Variants in USP32 observed in about 807,000 individuals in gnomAD.
USP32 encodes ubiquitin carboxyl-terminal hydrolase 32.
USP32 carries 59 observed loss-of-function variants against 204.8 expected under a neutral mutation model. That is an observed-to-expected ratio of 0.29 (90% CI 0.23 to 0.36). The LOEUF is 0.36. Ranked by LOEUF, USP32 falls within the 10% of genes least tolerant of loss-of-function variation. The pLI, the probability that USP32 is intolerant of heterozygous loss-of-function variation, is 1.00. For missense variants in USP32, 1,160 were observed against 1,946.4 expected, an observed-to-expected ratio of 0.60 and a Z score of 7.60; for synonymous variants, 517 against 678.4, an observed-to-expected ratio of 0.76 and a Z score of 3.70.
rs1213866580 is a variant in USP32, at chr17:60,266,046, C to G, written c.857G>C (p.Arg286Thr). 16 of 1,613,954 alleles carry G rather than the reference C, an allele frequency of 9.9e-6. No individual in the cohort carries two copies. Among genetic ancestry groups the G allele is most frequent in the Non-Finnish European group, 1.4e-5 (16 of 1,179,978 alleles). ...FDVDRDGVLS[R>T]VELRDMVVAL... ...AACCACCATGTCTCTCAGTTCAACC[C>G]TGGAGAGAACTCCATCACGGTCAAC... The change falls in exon 8 of 34, where the codon AGG becomes ACG. Residue 286 changes from arginine to threonine, a missense_variant. Physicochemically the swap from Arg to Thr is moderately conservative, Grantham distance 71. Coordinates refer to ENST00000300896, the MANE Select transcript of USP32 (RefSeq NM_032582.4).
intron 5 of USP32, among the ~76,000 whole-genome samples, chr17:60,282,367 T>C (rs1353329698): frequency 2.6e-5 from 4 of 152,224 alleles, no homozygotes; most frequent in Non-Finnish European, 4.4e-5. Context: ...ACTCTTTTTT[T>C]TTATTGAGAC....
At chr17:60,390,131 T>C (rs568889895) in intron 1 of USP32, among the ~76,000 whole-genome samples, 1 of 152,330 alleles carries the variant, frequency 6.6e-6, no homozygotes, top group South Asian at 2.1e-4. Flanking sequence ...TATAAGAAAT[T>C]AAACAAAAAC....
At position 60,294,756 on chromosome 17, in the gene USP32, C is replaced by T. The variant is rs2087384591; in HGVS notation, c.338G>A (p.Arg113Gln). The change falls in exon 4 of 34, where the codon CGG (arginine) becomes CAG (glutamine). Residue 113 changes from arginine to glutamine, a missense_variant. Around this residue, in one of 8 missense-constraint regions of USP32, gnomAD observed 536 missense variants for 680.9 expected, o/e 0.79. Transcript: ENST00000300896. ...GTGGAGCATTCTTTCCATTTCTTCC[C>T]GTATAACATAGTTCCCAGATTCACT... ...FSSESGNYVI[R>Q]EEMERMLHVV... 2 of 1,612,064 alleles carry T rather than the reference C, an allele frequency of 1.2e-6. No individual in the cohort carries two copies. Among genetic ancestry groups the T allele is most frequent in the Non-Finnish European group, 8.5e-7 (1 of 1,178,952 alleles).
intron 2 of USP32, among the ~76,000 whole-genome samples, chr17:60,335,185 G>A (rs1449437909): frequency 7.1e-6 from 1 of 141,492 alleles, no homozygotes; most frequent in Non-Finnish European, 1.5e-5. Flanking sequence ...TGTTGTCAGG[G>A]CTGGTCTTAA....
chr17:60,225,911 G>T, intron 13 of USP32, 128 bp downstream of exon 13: 1 of 981,526 alleles, frequency 1.0e-6, no homozygotes, highest in Non-Finnish European at 1.4e-6. Flanking sequence ...CAGAGATCGC[G>T]CCACTGCGCT....
intron 1 of USP32, among the ~76,000 whole-genome samples, chr17:60,386,879 G>A (rs1200148146): frequency 6.6e-6 from 1 of 152,176 alleles, no homozygotes; most frequent in Non-Finnish European, 1.5e-5. Context: ...GTGAAACAGT[G>A]AGATTAGTGA....
rs191587653 is a variant in USP32 at position 60,417,461 on chromosome 17, T to G, written c.106+4785A>C. On this transcript the variant is annotated intron_variant, in intron 1 of 3. Transcript: ENST00000588898. ...TGCCCAGCTGATTTTTAATTTTTTT[T>G]TTTTTTTTTGTGACAGAGTCTCGCT... 3.9e-3 allele frequency among the ~76,000 whole-genome samples: 588 copies of G among 151,720 alleles called. 3 individuals are homozygous for G. Among genetic ancestry groups the G allele is most frequent in the African/African-American group, 0.012 (495 of 41,450 alleles).
At chr17:60,257,750 C>G (rs1216330345) in intron 9 of USP32, among the ~76,000 whole-genome samples, 2 of 151,886 alleles carry the variant, frequency 1.3e-5, no homozygotes. Flanking sequence ...TCCCAAGGTG[C>G]TGGGGTTACA....
chr17:60,375,217 A>G (rs1166808410), intron 1 of USP32, among the ~76,000 whole-genome samples: 2 of 152,134 alleles, frequency 1.3e-5, no homozygotes, highest in Non-Finnish European at 2.9e-5. Flanking sequence ...CTTACCCTAT[A>G]TATCTATAAC....
intron 16 of USP32, among the ~76,000 whole-genome samples, 193 bp from the exon 17 acceptor site, chr17:60,214,967 G>A (rs184025714): frequency 6.6e-6 from 1 of 152,164 alleles, no homozygotes; most frequent in African/African-American, 2.4e-5. Flanking sequence ...TTGTTTGTTT[G>A]TTTGTTTGTT....
intron 4 of USP32, among the ~76,000 whole-genome samples, chr17:60,292,498 T>G (rs73318854): frequency 0.044 from 6,735 of 152,230 alleles, 535 homozygotes; most frequent in African/African-American, 0.15. Flanking sequence ...GGTAATTCCA[T>G]TCATTTACTG....
At chr17:60,415,398 T>C (rs970547202) in intron 1 of USP32, among the ~76,000 whole-genome samples, 4 of 152,218 alleles carry the variant, frequency 2.6e-5, no homozygotes, top group African/African-American at 9.6e-5. Flanking sequence ...CTGGTGTTTG[T>C]CACAGTGTCT....
chr17:60,335,954 G>T lies in USP32; in HGVS notation c.186+9527C>A, dbSNP rs1053079442. Reference sequence around the variant, plus strand: ...TTTATAATACCTATTAAGGATAGAAGTTTCTCATAAAGACTCACTTGGATA... The same window carrying T: ...TTTATAATACCTATTAAGGATAGAATTTTCTCATAAAGACTCACTTGGATA... On this transcript the variant is annotated intron_variant, in intron 2 of 33. Coordinates refer to ENST00000300896, the MANE Select transcript of USP32 (RefSeq NM_032582.4). 1.4e-5 allele frequency among the ~76,000 whole-genome samples: 2 copies of T among 142,920 alleles called. 1 individual carries two copies. The highest frequency in any genetic ancestry group is 1.4e-4 in the Admixed American group (2 of 14,724). 93.8% of individuals were successfully genotyped at this position (142,920 alleles called of 152,430 possible). A position where few individuals can be genotyped will look rare whatever the true frequency, so the allele number is the denominator to read the frequency against.
intron 1 of USP32, among the ~76,000 whole-genome samples, chr17:60,369,139 C>T (rs1304481492): frequency 7.1e-6 from 1 of 141,460 alleles, no homozygotes; most frequent in Non-Finnish European, 1.5e-5. Flanking sequence ...GGACTACAGG[C>T]GCCCGCCACT....
At chr17:60,201,753 G>T (rs1181097649) in intron 26 of USP32, among the ~76,000 whole-genome samples, 2 of 151,906 alleles carry the variant, frequency 1.3e-5, no homozygotes, top group African/African-American at 4.8e-5. Context: ...CTGCCTCTGG[G>T]GTTCAAGTGA....
At chr17:60,202,520 C>CT (rs2084705940) in intron 26 of USP32, among the ~76,000 whole-genome samples, 8 of 148,124 alleles carry the variant, frequency 5.4e-5, no homozygotes, top group African/African-American at 1.8e-4. Context: ...TTAAGTCATC[C>CT]GTAGATTAGT....
At position 60,408,786 on chromosome 17, in the gene USP32, C is replaced by T. The variant is rs78421770; in HGVS notation, c.106+13460G>A. On this transcript the variant is annotated intron_variant, in intron 1 of 3. Transcript: ENST00000588898. ...ATGCCCAGATGAAGCAAGCATGCAA[C>T]GATAGGGGGAATCTAAGTGCTCAGA... 4.3e-3 allele frequency among the ~76,000 whole-genome samples: 656 copies of T among 151,992 alleles called. 3 individuals are homozygous for T. Among genetic ancestry groups the T allele is most frequent in the African/African-American group, 0.014 (576 of 41,356 alleles).
chr17:60,302,533 A>G (rs2087610561), intron 2 of USP32, among the ~76,000 whole-genome samples: 1 of 152,158 alleles, frequency 6.6e-6, no homozygotes, highest in African/African-American at 2.4e-5. Flanking sequence ...AATATTCCCA[A>G]CTTACAATGG....
At chr17:60,266,147 A>G (rs1193386916) in intron 7 of USP32, 56 bp from the exon 8 acceptor site, 3 of 1,379,422 alleles carry the variant, frequency 2.2e-6, no homozygotes, top group Non-Finnish European at 3.1e-6. Flanking sequence ...GAGGTATAAT[A>G]TATTTTACTA....
Sources: gnomAD v4.1 joint callset for allele counts (sites outside exome capture counted in the v4.1 genomes callset) on GRCh38, gnomAD v4.1.1 for gene constraint, gnomAD v4.1.1 regional missense constraint, MANE v1.5 for transcripts, NCBI Gene and HGNC (gene_info 2026-07-23, HGNC 2026-07-21) for gene names.